CDCA7L: variants seen among roughly 807,000 people sequenced by gnomAD.
CDCA7L encodes cell division cycle associated 7 like, also known as cell division cycle-associated 7-like protein.
CDCA7L carries 44 observed loss-of-function variants against 57.4 expected under a neutral mutation model. The ratio of observed to expected loss-of-function variants is 0.77; its 90% CI spans 0.60 to 0.98. The LOEUF (loss-of-function observed/expected upper bound fraction) is 0.98, where lower values mean the gene tolerates loss of function less well. CDCA7L is among the 50% of genes least tolerant of loss of function. The pLI, the probability that CDCA7L is intolerant of heterozygous loss-of-function variation, is 0.00. For missense variants in CDCA7L, 644 were observed against 580.6 expected, an observed-to-expected ratio of 1.11 and a Z score of -1.12; for synonymous variants, 236 against 202.8, an observed-to-expected ratio of 1.16 and a Z score of -1.39.
At chr7:21,943,891 T>A (rs995787650) in intron 1 of CDCA7L, among the ~76,000 whole-genome samples, 11 of 152,218 alleles carry the variant, frequency 7.2e-5, no homozygotes, top group African/African-American at 2.7e-4. Context: ...AAACGCTCAC[T>A]TCCAACTACA....
chr7:21,943,892 T>G (rs1043868741), intron 1 of CDCA7L, among the ~76,000 whole-genome samples: 2 of 152,212 alleles, frequency 1.3e-5, no homozygotes, highest in Non-Finnish European at 2.9e-5. Flanking sequence ...AACGCTCACT[T>G]CCAACTACAC....
At chr7:21,931,005 T>G (rs1449805604) in intron 1 of CDCA7L, among the ~76,000 whole-genome samples, 1 of 152,172 alleles carries the variant, frequency 6.6e-6, no homozygotes, top group African/African-American at 2.4e-5. Flanking sequence ...TAAACAGCTC[T>G]ACACAAATAA....
In CDCA7L at chr7:21,906,610, C is replaced by G; in HGVS notation, c.711G>C (p.Ser237=). The change falls in exon 5 of 10, where the codon TCG becomes TCC. Residue 237 remains serine, a synonymous_variant. Transcript: ENST00000406877. ...MLAQLLAELN[S]MPDFFPVRTP... is the part of the protein sequence containing the mutation. The stretch of plus-strand genomic sequence containing the variant: ...TTCGTACTGGGAAGAAATCTGGCAT[C>G]GAGTTCAATTCCGCCAATAACTGGG... 1.2e-6 allele frequency: 2 copies of G among 1,614,028 alleles called. No individual in the cohort carries two copies. Among genetic ancestry groups the G allele is most frequent in the Non-Finnish European group, 1.7e-6 (2 of 1,180,016 alleles).
intron 1 of CDCA7L, among the ~76,000 whole-genome samples, chr7:21,924,486 C>T (rs1281933513): frequency 1.3e-5 from 2 of 152,158 alleles, no homozygotes; most frequent in African/African-American, 4.8e-5. Flanking sequence ...CTCTTTAACA[C>T]ACCACGAAGG....
chr7:21,928,252 G>A (rs996259734), intron 1 of CDCA7L, among the ~76,000 whole-genome samples: 1 of 152,176 alleles, frequency 6.6e-6, no homozygotes, highest in Non-Finnish European at 1.5e-5. Flanking sequence ...GAAAGGAATA[G>A]CATCAACATC....
intron 1 of CDCA7L, among the ~76,000 whole-genome samples, chr7:21,934,373 T>A (rs1451687766): frequency 6.6e-6 from 1 of 152,150 alleles, no homozygotes; most frequent in Non-Finnish European, 1.5e-5. Context: ...AACTTTAGAA[T>A]GTTATATGTA....
chr7:21,929,363 A>G (rs1037830766), intron 1 of CDCA7L, among the ~76,000 whole-genome samples: 2 of 152,192 alleles, frequency 1.3e-5, no homozygotes, highest in African/African-American at 4.8e-5. Flanking sequence ...ACCAAATTAT[A>G]AACACCACTG....
At chr7:21,909,742 C>T (rs376207272) in intron 3 of CDCA7L, among the ~76,000 whole-genome samples, 3 of 152,176 alleles carry the variant, frequency 2.0e-5, no homozygotes, top group Non-Finnish European at 4.4e-5. Flanking sequence ...CCATCCTCAT[C>T]ATCGACAGGC....
At chr7:21,916,689 A>G in intron 2 of CDCA7L, 65 bp downstream of exon 2, 1 of 1,469,880 alleles carries the variant, frequency 6.8e-7, no homozygotes. Flanking sequence ...TTCAAATAAA[A>G]GAACATCCAA....
rs577707461 is a variant in CDCA7L, at chr7:21,912,027, C to T, written c.166-273G>A. ...CTGTAATCCCAGCACTTTGGGAGAC[C>T]GAGGCAGGCAGATCACTTGAACTCA... On this transcript the variant is annotated intron_variant, in intron 2 of 9. Transcript: ENST00000406877. Among the ~76,000 whole-genome samples, 12 of 151,366 alleles carry T rather than the reference C, an allele frequency of 7.9e-5. No homozygotes were observed. The South Asian group carries it at 1.3e-3, about 16-fold the overall frequency.
intron 1 of CDCA7L, among the ~76,000 whole-genome samples, chr7:21,928,037 G>C (rs1032394795): frequency 6.6e-6 from 1 of 152,198 alleles, no homozygotes; most frequent in Non-Finnish European, 1.5e-5. Flanking sequence ...TTCCCAGCAG[G>C]GGTCAACAGA....
chr7:21,925,108 CAAAA>C (rs894487591), intron 1 of CDCA7L, among the ~76,000 whole-genome samples: 13 of 151,634 alleles, frequency 8.6e-5, no homozygotes, highest in South Asian at 2.1e-4. Context: ...AACAAACAAA[CAAAA>C]AAAGGTAGGG....
chr7:21,910,036 G>C (rs1327803106), intron 3 of CDCA7L, among the ~76,000 whole-genome samples: 3 of 152,160 alleles, frequency 2.0e-5, no homozygotes, highest in African/African-American at 7.2e-5. Flanking sequence ...ATTTGCAAGG[G>C]CCTGTGCTGA....
chr7:21,906,427 C>G lies in CDCA7L; in HGVS notation c.783G>C (p.Ser261=), dbSNP rs752753569. The G allele has an allele frequency of 8.7e-6, 14 of 1,610,952 alleles. No homozygotes were observed. The highest frequency in any genetic ancestry group is 1.1e-5 in the Non-Finnish European group (13 of 1,178,260). ...TCATACGCCGCGTGATCTGTCCCTCCGAGAAGGCCCGCCTCACTGTCTTCT... is the reference window on the plus strand; with the variant it reads ...TCATACGCCGCGTGATCTGTCCCTCGGAGAAGGCCCGCCTCACTGTCTTCT... ...SRKKTVRRAF[S]EGQITRRMNP... is the part of the protein sequence containing the mutation. The change falls in exon 6 of 10, where the codon TCG becomes TCC. Residue 261 remains serine, a synonymous_variant. Coordinates refer to ENST00000406877, the MANE Select transcript of CDCA7L (RefSeq NM_018719.5).
chr7:21,939,819 G>A (rs987264940), intron 1 of CDCA7L, among the ~76,000 whole-genome samples: 2 of 151,950 alleles, frequency 1.3e-5, no homozygotes, highest in Non-Finnish European at 2.9e-5. Flanking sequence ...TTGTTACCAC[G>A]ACTACCATGA....
At chr7:21,918,986 T>A (rs1012416388) in intron 1 of CDCA7L, among the ~76,000 whole-genome samples, 20 of 152,294 alleles carry the variant, frequency 1.3e-4, no homozygotes, top group Middle Eastern at 6.8e-3. Flanking sequence ...TTCTTTTTTT[T>A]TATATTTTTT....
rs943591703 is a variant in CDCA7L, at chr7:21,945,873, C to G, written c.-69G>C. On this transcript the variant is annotated 5_prime_UTR_variant, in exon 1 of 10. Transcript: ENST00000406877. ...GGAGCCCGGACTCACCACGGCCCGGCGCACCAAGAACGCCCCGCGCCCGAG... is the reference window on the plus strand; with the variant it reads ...GGAGCCCGGACTCACCACGGCCCGGGGCACCAAGAACGCCCCGCGCCCGAG... 2 of 1,525,820 alleles carry G rather than the reference C, an allele frequency of 1.3e-6. No individual in the cohort carries two copies. The highest frequency in any genetic ancestry group is 1.8e-6 in the Non-Finnish European group (2 of 1,134,256). The allele number at this position is 1,525,820 out of a possible 1,614,324, so 94.5% of individuals were successfully genotyped here. A position where few individuals can be genotyped will look rare whatever the true frequency, so the allele number is the denominator to read the frequency against.
intron 1 of CDCA7L, among the ~76,000 whole-genome samples, chr7:21,945,562 G>T (rs1786496992): frequency 6.6e-6 from 1 of 152,038 alleles, no homozygotes; most frequent in Admixed American, 6.5e-5. Context: ...GCGGTTGTGT[G>T]CTGGGGCGAC....
At chr7:21,905,756 C>T (rs1481299253) in intron 6 of CDCA7L, 125 bp from the exon 7 acceptor site, 6 of 1,090,638 alleles carry the variant, frequency 5.5e-6, no homozygotes, top group Non-Finnish European at 7.5e-6. Flanking sequence ...TATTTCCCTG[C>T]AGCCATTTCA....
Sources: allele counts gnomAD v4.1 joint callset (sites outside exome capture counted in the v4.1 genomes callset), GRCh38; gene constraint gnomAD v4.1.1; transcripts MANE v1.5; gene names NCBI Gene and HGNC (gene_info 2026-07-23, HGNC 2026-07-21).